The following SLC36A1 variants were observed in gnomAD, a reference collection of about 807,000 sequenced individuals.
SLC36A1 encodes proton-coupled amino acid transporter 1.
Under a neutral mutation model 47.5 loss-of-function variants are expected in SLC36A1, and 30 were observed. That is an observed-to-expected ratio of 0.63 (90% CI 0.47 to 0.86). The LOEUF (loss-of-function observed/expected upper bound fraction) is 0.86. SLC36A1 is among the 40% of genes least tolerant of loss of function. The pLI is 0.00. For synonymous variants in SLC36A1, 255 were observed against 249.7 expected, an observed-to-expected ratio of 1.02 and a Z score of -0.20; for missense variants, 517 against 606.0, an observed-to-expected ratio of 0.85 and a Z score of 1.54.
chr5:151,509,911 A>T, the SLC36A1 span: 1 of 1,290,226 alleles, frequency 7.8e-7, no homozygotes, highest in Admixed American at 2.1e-5. Context: ...CCTAGAAGCC[A>T]GGTCCCTGCA....
chr5:151,476,672 T>C lies in SLC36A1; in HGVS notation c.905T>C (p.Leu302Pro), dbSNP rs199656226. 3 of 1,613,726 alleles carry C rather than the reference T, an allele frequency of 1.9e-6. No homozygotes were observed. Among genetic ancestry groups the C allele is most frequent in the East Asian group, 4.5e-5 (2 of 44,870 alleles). ...CTGGGCATGGTCATCGTCACCATCC[T>C]CTACATCAGCCTGGGGTGTCTGGGG... Reference protein sequence around the residue: ...LYLGMVIVTILYISLGCLGYL... With the variant: ...LYLGMVIVTIPYISLGCLGYL... The change falls in exon 9 of 11, where the codon CTC becomes CCC. Residue 302 changes from leucine to proline, a missense_variant. By Grantham distance (98) the Leu-to-Pro change is moderately conservative. Coordinates refer to ENST00000243389, the MANE Select transcript of SLC36A1 (RefSeq NM_078483.4).
In SLC36A1 at chr5:151,476,697, G is replaced by A. The variant is rs1415482188; in HGVS notation, c.930G>A (p.Gly310=). The change falls in exon 9 of 11, where the codon GGG becomes GGA. Residue 310 remains glycine, a synonymous_variant. Coordinates refer to ENST00000243389, the MANE Select transcript of SLC36A1 (RefSeq NM_078483.4). The part of the protein sequence containing the change: ...TILYISLGCL[G]YLQFGANIQG... Reference sequence around the variant, plus strand: ...TCTACATCAGCCTGGGGTGTCTGGGGTACCTGCAATTTGGAGCTAATATCC... The same window carrying A: ...TCTACATCAGCCTGGGGTGTCTGGGATACCTGCAATTTGGAGCTAATATCC... 44 of 1,613,488 alleles carry A rather than the reference G, an allele frequency of 2.7e-5. No individual in the cohort carries two copies. The highest frequency in any genetic ancestry group is 3.6e-5 in the Non-Finnish European group (43 of 1,179,742).
At chr5:151,370,947 C>T in the SLC36A1 span, among the ~76,000 whole-genome samples, 39 of 152,210 alleles carry the variant, frequency 2.6e-4, no homozygotes, top group Non-Finnish European at 3.1e-4. Flanking sequence ...GAGCCAAGAT[C>T]GCAGTACTAC....
At chr5:151,512,830 G>C in the SLC36A1 span, 1 of 567,660 alleles carries the variant, frequency 1.8e-6, no homozygotes, top group Non-Finnish European at 3.1e-6. The surrounding 1 kb of genome is among the most constrained non-coding windows in gnomAD (Gnocchi z 4.1). Context: ...TGGGTAGGGG[G>C]TGACATCTCC....
the SLC36A1 span, among the ~76,000 whole-genome samples, chr5:151,426,384 A>G: frequency 7.6e-3 from 1,156 of 152,146 alleles, 4 homozygotes; most frequent in Non-Finnish European, 0.011. Flanking sequence ...GGACTATAGG[A>G]TAATGGTGGG....
chr5:151,527,075 A>G, the SLC36A1 span, among the ~76,000 whole-genome samples: 5 of 152,228 alleles, frequency 3.3e-5, no homozygotes, highest in African/African-American at 9.6e-5. Flanking sequence ...ATTCCCTTCA[A>G]TTCTATAATG....
intron 1 of SLC36A1, 31 bp from the exon 2 acceptor site, chr5:151,458,757 G>A (rs769980654): frequency 1.2e-6 from 2 of 1,602,628 alleles, no homozygotes; most frequent in Non-Finnish European, 8.5e-7. Flanking sequence ...TCCAGCTGCA[G>A]GAGGTCTTAA....
At chr5:151,507,128 G>A in the SLC36A1 span, 2 of 1,530,936 alleles carry the variant, frequency 1.3e-6, no homozygotes, top group Non-Finnish European at 8.8e-7. Context: ...CAATCCCAGA[G>A]GCTAAGCGTC....
the SLC36A1 span, among the ~76,000 whole-genome samples, chr5:151,390,676 T>C: frequency 1.3e-5 from 2 of 152,258 alleles, no homozygotes; most frequent in African/African-American, 2.4e-5. Flanking sequence ...CCTTTCCCCA[T>C]TTCTTGTTTT....
the SLC36A1 span, among the ~76,000 whole-genome samples, chr5:151,355,581 C>A: frequency 6.6e-6 from 1 of 152,062 alleles, no homozygotes; most frequent in Non-Finnish European, 1.5e-5. Flanking sequence ...CCTGCATGTA[C>A]CACAGGAGGA....
chr5:151,545,001 C>T, the SLC36A1 span: 2 of 1,614,200 alleles, frequency 1.2e-6, no homozygotes, highest in Non-Finnish European at 1.7e-6. Context: ...GATTGTCCCT[C>T]ACTTCCACTG....
At chr5:151,554,289 C>T in the SLC36A1 span, 1 of 1,407,778 alleles carries the variant, frequency 7.1e-7, no homozygotes. Flanking sequence ...TGTCTCCCTC[C>T]TCCTGAATTC....
intron 10 of SLC36A1, among the ~76,000 whole-genome samples, chr5:151,481,633 TA>T (rs1174218493): frequency 6.6e-6 from 1 of 151,200 alleles, no homozygotes; most frequent in Non-Finnish European, 1.5e-5. Flanking sequence ...GAATTCAGTG[TA>T]GTTTCTTTTT....
intron 9 of SLC36A1, chr5:151,477,125 T>C: frequency 5.4e-6 from 2 of 367,424 alleles, no homozygotes; most frequent in Non-Finnish European, 1.1e-5. Flanking sequence ...CCCTTGGTAG[T>C]AACAGGCTTG....
chr5:151,521,380 T>C, the SLC36A1 span: 21 of 1,614,120 alleles, frequency 1.3e-5, no homozygotes, highest in Admixed American at 2.3e-4. Context: ...CACTGTGTTA[T>C]GGCAGATTTG....
At chr5:151,463,449 C>G in intron 2 of SLC36A1, 104 bp from the exon 3 acceptor site, 1 of 852,204 alleles carries the variant, frequency 1.2e-6, no homozygotes, top group Non-Finnish European at 2.0e-6. Context: ...TAAAATCTTA[C>G]AGGGTTGTTG....
chr5:151,491,435 A>C lies in SLC36A1; in HGVS notation c.*3181A>C, dbSNP rs1198518672. 4 of 152,592 alleles carry C rather than the reference A, an allele frequency of 2.6e-5. No homozygotes were observed. Among genetic ancestry groups the C allele is most frequent in the African/African-American group, 9.7e-5 (4 of 41,424 alleles). 9.5% of individuals were successfully genotyped at this position (152,592 alleles called of 1,614,324 possible). On this transcript the variant is annotated 3_prime_UTR_variant, in exon 11 of 11. Transcript: ENST00000243389. ...ACTGCTCACTGTCTATCCCCACGAA[A>C]TTTAGTTTTATCAGTAGTCTTAAAG...
Position 151,474,178 on chromosome 5 carries a change from A to AAAAAAAAAAAAAAAAAGAG in SLC36A1, c.822+408_822+409insAAAAAAAAAAAAAAAGAGA, listed in dbSNP as rs776318482. ...CTGTCTCAAAAAAAAAAAAAAAAAAAAGAAATTATCTTCTGTAACTCACTG... is the reference window on the plus strand; with the variant it reads ...CTGTCTCAAAAAAAAAAAAAAAAAAAAAAAAAAAAAAAAAAAGAGAGAAATTATCTTCTGTAACTCACTG... On this transcript the variant is annotated intron_variant, in intron 8 of 10. Coordinates refer to ENST00000243389, the MANE Select transcript of SLC36A1 (RefSeq NM_078483.4). Among the ~76,000 whole-genome samples the AAAAAAAAAAAAAAAAAGAG allele has an allele frequency of 1.5e-4, 18 of 119,010 alleles. 1 individual carries two copies. The highest frequency in any genetic ancestry group is 4.0e-4 in the African/African-American group (9 of 22,302). The allele number at this position is 119,010 out of a possible 152,430, so 78.1% of individuals were successfully genotyped here.
chr5:151,521,826 G>A, the SLC36A1 span: 28 of 1,614,016 alleles, frequency 1.7e-5, no homozygotes, highest in Admixed American at 1.0e-4. Flanking sequence ...GGCCCTGGGC[G>A]GCGATAATCT....
Sources: allele counts gnomAD v4.1 joint callset (sites outside exome capture counted in the v4.1 genomes callset), GRCh38; gene constraint gnomAD v4.1.1; non-coding constraint Gnocchi (gnomAD v3.1); transcripts MANE v1.5; gene names NCBI Gene and HGNC (gene_info 2026-07-23, HGNC 2026-07-21).